Variants in BIRC6 observed in about 807,000 individuals in gnomAD.
BIRC6 encodes baculoviral IAP repeat containing 6.
In BIRC6, 98 loss-of-function variants were observed where a neutral mutation model predicts 503.3. The observed-to-expected ratio is 0.19, with a 90% confidence interval of 0.17 to 0.23. The LOEUF (loss-of-function observed/expected upper bound fraction) is 0.23, where lower values mean the gene tolerates loss of function less well. Among genes scored for constraint, BIRC6 ranks in the 10% least tolerant of loss-of-function variants. The probability of loss-of-function intolerance (pLI) is 1.00; values close to 1 mark genes in which losing one functional copy is unlikely to be tolerated. For missense variants in BIRC6, 5,360 were observed against 5,806.0 expected (o/e 0.92, Z 2.50); for synonymous variants, 2,240 against 2,078.7 (o/e 1.08, Z -2.11).
intron 62 of BIRC6, among the ~76,000 whole-genome samples, chr2:32,544,383 C>A (rs542388188): frequency 6.6e-6 from 1 of 151,564 alleles, no homozygotes; most frequent in East Asian, 1.9e-4. Context: ...TGATTGTTTC[C>A]ATTGGGTTGG....
chr2:32,519,215 C>G, intron 57 of BIRC6: 1 of 321,862 alleles, frequency 3.1e-6, no homozygotes, highest in South Asian at 4.0e-5. Context: ...GGCATGTTCT[C>G]ACAATAAACC....
intron 62 of BIRC6, among the ~76,000 whole-genome samples, chr2:32,543,745 A>G (rs903980996): frequency 4.6e-5 from 7 of 152,150 alleles, no homozygotes; most frequent in Non-Finnish European, 1.0e-4. Flanking sequence ...TTCAAAAATT[A>G]TTTTCCTTGT....
chr2:32,530,178 T>C (rs2056613945), intron 60 of BIRC6, among the ~76,000 whole-genome samples: 1 of 152,208 alleles, frequency 6.6e-6, no homozygotes, highest in Admixed American at 6.5e-5. Context: ...TCTCATATAA[T>C]TGGGATCACA....
chr2:32,545,867 T>C lies in BIRC6; in HGVS notation c.12810+7T>C. 2 of 1,606,044 alleles carry C rather than the reference T, an allele frequency of 1.2e-6. No homozygotes were observed. The highest frequency in any genetic ancestry group is 2.2e-5 in the East Asian group (1 of 44,828). On this transcript the variant is annotated splice_region_variant and intron_variant, in intron 63 of 73. Transcript: ENST00000421745. ...TAGCGTGAATCAAACTGAGGTAGGT[T>C]CACTTTTAATTATTTCAGTTATTAA... is the stretch of plus-strand genomic sequence containing the variant.
intron 23 of BIRC6, among the ~76,000 whole-genome samples, chr2:32,458,515 C>CT (rs918075023): frequency 7.9e-5 from 12 of 151,442 alleles, no homozygotes; most frequent in African/African-American, 2.9e-4. Flanking sequence ...TCTAATCCAT[C>CT]TTTTTTTTAT....
chr2:32,499,513 CTCTT>C (rs2052898678), intron 45 of BIRC6, 30 bp from the exon 46 acceptor site: 1 of 1,489,864 alleles, frequency 6.7e-7, no homozygotes, highest in Non-Finnish European at 9.0e-7. Context: ...CTCTCTCTCT[CTCTT>C]TTTCTGTCTC....
intron 44 of BIRC6, among the ~76,000 whole-genome samples, chr2:32,492,692 G>A (rs765672692): frequency 2.0e-5 from 3 of 151,936 alleles, no homozygotes; most frequent in Non-Finnish European, 2.9e-5. Flanking sequence ...AAGAAAGGAG[G>A]AAATAACTTT....
At chr2:32,439,971 C>G (rs1217664830) in intron 16 of BIRC6, among the ~76,000 whole-genome samples, 1 of 152,184 alleles carries the variant, frequency 6.6e-6, no homozygotes, top group African/African-American at 2.4e-5. Flanking sequence ...CTCTGCCTCC[C>G]AGATTCAAGC....
At chr2:32,512,249 G>T (rs997963784) in intron 53 of BIRC6, among the ~76,000 whole-genome samples, 3 of 152,086 alleles carry the variant, frequency 2.0e-5, no homozygotes, top group African/African-American at 7.2e-5. Context: ...GTGAAGCCAA[G>T]AATCTTATAT....
chr2:32,476,202 G>T lies in BIRC6; in HGVS notation c.6721-11G>T. The T allele has an allele frequency of 6.6e-7, 1 of 1,522,280 alleles. No homozygotes were observed. The highest frequency in any genetic ancestry group is 8.8e-7 in the Non-Finnish European group (1 of 1,137,382). 94.3% of individuals were successfully genotyped at this position (1,522,280 alleles called of 1,614,324 possible). Reference sequence around the variant, plus strand: ...TTGTTAAAGATTAAGTTGTTTATTTGTTTTATAAAGCAACTTAACCTACTA... The same window carrying T: ...TTGTTAAAGATTAAGTTGTTTATTTTTTTTATAAAGCAACTTAACCTACTA... On this transcript the variant is annotated splice_polypyrimidine_tract_variant and intron_variant, in intron 33 of 73. Transcript: ENST00000421745.
rs754904803 is a variant in BIRC6, at chr2:32,597,843, G to A, written c.13705G>A (p.Ala4569Thr). The A allele has an allele frequency of 6.2e-7, 1 of 1,613,788 alleles. No homozygotes were observed. The highest frequency in any genetic ancestry group is 8.5e-7 in the Non-Finnish European group (1 of 1,179,752). Residue 4569 changes from alanine to threonine, a missense_variant, in exon 69 of 74, where the codon GCG becomes ACG. By Grantham distance (58) the Ala-to-Thr change is moderately conservative (BLOSUM62 0). This residue lies in a region of BIRC6 where 477 missense variants were observed against 574.4 expected (regional missense o/e 0.83). Coordinates refer to ENST00000421745, the MANE Select transcript of BIRC6 (RefSeq NM_016252.4). ...GTCTCAGGTGAAAAATGCTAATGAT[G>A]CGAACAGTGCTGCCAGAGCTCGCCG... ...YMSQVKNANDANSAARARRLA... is the reference protein window; with the variant it reads ...YMSQVKNANDTNSAARARRLA...
intron 8 of BIRC6, 57 bp from the exon 9 acceptor site, chr2:32,406,442 C>A: frequency 2.3e-6 from 3 of 1,303,774 alleles, no homozygotes; most frequent in South Asian, 2.5e-5. Context: ...TTTGCTTTCT[C>A]ATATGATGTA....
chr2:32,467,545 T>G lies in BIRC6; in HGVS notation c.5377T>G (p.Leu1793Val). 8.7e-6 allele frequency: 14 copies of G among 1,613,918 alleles called. No homozygotes were observed. The highest frequency in any genetic ancestry group is 1.2e-5 in the Non-Finnish European group (14 of 1,179,844). Residue 1793 changes from leucine to valine, a missense_variant, in exon 27 of 74, where the codon TTG becomes GTG. Around this residue, in one of 16 missense-constraint regions of BIRC6, gnomAD observed 2,299 missense variants for 2,267.2 expected, o/e 1.01. Coordinates refer to ENST00000421745, the MANE Select transcript of BIRC6 (RefSeq NM_016252.4). ...CATAGGAGCAAGAAGATTTGTGACC[T>G]TGGATTTTGGGAGGCCTATATTGTT... Reference protein sequence around the residue: ...MHSGARRFVTLDFGRPILLTD... With the variant: ...MHSGARRFVTVDFGRPILLTD...
intron 49 of BIRC6, among the ~76,000 whole-genome samples, chr2:32,504,026 G>A (rs887723393): frequency 9.1e-6 from 1 of 110,178 alleles, no homozygotes; most frequent in African/African-American, 3.7e-5. Flanking sequence ...CGGGGGGTGG[G>A]GGGGTGTTTG....
chr2:32,580,872 G>C (rs183813730), intron 66 of BIRC6, among the ~76,000 whole-genome samples: 2 of 152,296 alleles, frequency 1.3e-5, no homozygotes, highest in Admixed American at 1.3e-4. Context: ...CCATGCTCCA[G>C]ATATTTGTCT....
At chr2:32,360,878 A>G (rs1431148449) in intron 1 of BIRC6, among the ~76,000 whole-genome samples, 1 of 152,060 alleles carries the variant, frequency 6.6e-6, no homozygotes, top group African/African-American at 2.4e-5. Flanking sequence ...CAGGATGCCT[A>G]ATATACAGTG....
At chr2:32,595,967 ACT>A (rs1167283193) in intron 68 of BIRC6, among the ~76,000 whole-genome samples, 1 of 152,036 alleles carries the variant, frequency 6.6e-6, no homozygotes, top group Non-Finnish European at 1.5e-5. Context: ...TGTTAACTTC[ACT>A]CTAAGTAATA....
intron 72 of BIRC6, among the ~76,000 whole-genome samples, chr2:32,609,438 T>C (rs933866319): frequency 6.6e-6 from 1 of 152,184 alleles, no homozygotes; most frequent in Non-Finnish European, 1.5e-5. Context: ...CATTTTTCTT[T>C]CTTAAAATTG....
chr2:32,596,413 G>A (rs1055030631), intron 68 of BIRC6, among the ~76,000 whole-genome samples: 9 of 151,100 alleles, frequency 6.0e-5, no homozygotes, highest in African/African-American at 2.0e-4. Flanking sequence ...CCGGGAGGTG[G>A]AGGTTGCAGT....
Sources: gnomAD v4.1 joint callset for allele counts (sites outside exome capture counted in the v4.1 genomes callset) on GRCh38, gnomAD v4.1.1 for gene constraint, gnomAD v4.1.1 regional missense constraint, MANE v1.5 for transcripts, NCBI Gene and HGNC (gene_info 2026-07-23, HGNC 2026-07-21) for gene names.